TMEM117: variants seen among roughly 807,000 people sequenced by gnomAD.
The protein encoded by TMEM117 is transmembrane protein 117.
TMEM117 carries 27 observed loss-of-function variants against 52.4 expected under a neutral mutation model. The ratio of observed to expected loss-of-function variants is 0.51; its 90% CI spans 0.38 to 0.71. The LOEUF (loss-of-function observed/expected upper bound fraction) is 0.71. TMEM117 is among the 30% of genes least tolerant of loss of function. The pLI is 0.00. For synonymous variants in TMEM117, 215 were observed against 206.3 expected, an observed-to-expected ratio of 1.04 and a Z score of -0.36; for missense variants, 556 against 630.5, an observed-to-expected ratio of 0.88 and a Z score of 1.26.
chr12:44,164,193 T>C (rs1948934367), intron 4 of TMEM117, among the ~76,000 whole-genome samples: 2 of 152,168 alleles, frequency 1.3e-5, no homozygotes, highest in Non-Finnish European at 2.9e-5. Context: ...TTTTCTTCAA[T>C]GAATTTATTA....
rs571191709 is a variant in TMEM117, at chr12:44,240,561, C to T, written c.608+29174C>T. Among the ~76,000 whole-genome samples, 5 of 152,074 alleles carry T rather than the reference C, an allele frequency of 3.3e-5. No homozygotes were observed. In the South Asian group the frequency reaches 1.0e-3, roughly 32 times the overall value. ...TCTTCCCAGAAACTGTGGCTAATTT[C>T]TTTTGTATCACTTAAGAAATCGGTA... On this transcript the variant is annotated intron_variant, in intron 5 of 7. Coordinates refer to ENST00000266534, the MANE Select transcript of TMEM117 (RefSeq NM_032256.3).
Position 43,936,791 on chromosome 12 carries a change from G to A in TMEM117, c.278-7419G>A, listed in dbSNP as rs539304923. On this transcript the variant is annotated intron_variant, in intron 2 of 7. Transcript: ENST00000266534. ...GGATTTGGGAGTGGTGGAGGTCAAT[G>A]CATTTGCCAGAACAACTTCAGTGGA... 2.6e-5 allele frequency among the ~76,000 whole-genome samples: 4 copies of A among 152,236 alleles called. No individual in the cohort carries two copies. The East Asian group carries it at 7.7e-4, about 29-fold the overall frequency.
chr12:44,256,043 A>G (rs1950256429), intron 5 of TMEM117, among the ~76,000 whole-genome samples: 1 of 151,964 alleles, frequency 6.6e-6, no homozygotes, highest in Non-Finnish European at 1.5e-5. Context: ...TAAGTCATTT[A>G]TAACTCATAT....
chr12:44,052,002 T>C (rs1341857617), intron 3 of TMEM117, among the ~76,000 whole-genome samples: 1 of 152,362 alleles, frequency 6.6e-6, no homozygotes, highest in African/African-American at 2.4e-5. Flanking sequence ...ATGTGCAATA[T>C]TGGTAAGCTA....
intron 3 of TMEM117, among the ~76,000 whole-genome samples, chr12:44,092,301 G>A (rs1411887177): frequency 6.6e-6 from 1 of 152,154 alleles, no homozygotes; most frequent in Non-Finnish European, 1.5e-5. Flanking sequence ...ATTTCTGAAA[G>A]CATATTTCCA....
intron 4 of TMEM117, among the ~76,000 whole-genome samples, chr12:44,169,442 A>G (rs2138278283): frequency 6.6e-6 from 1 of 152,250 alleles, no homozygotes; most frequent in Admixed American, 6.5e-5. Context: ...TTCTCTAAAG[A>G]TTAGTGATGG....
chr12:44,080,649 G>A (rs917634579), intron 3 of TMEM117, among the ~76,000 whole-genome samples: 2 of 152,054 alleles, frequency 1.3e-5, no homozygotes, highest in African/African-American at 2.4e-5. Context: ...TTTTGGCATG[G>A]TCTGTGAACT....
At chr12:44,063,457 AG>A (rs1257285040) in intron 3 of TMEM117, among the ~76,000 whole-genome samples, 1 of 151,898 alleles carries the variant, frequency 6.6e-6, no homozygotes, top group South Asian at 2.1e-4. Context: ...TGTCAATCCT[AG>A]GTTTGTTTCT....
chr12:44,138,994 A>G (rs1948531940), intron 3 of TMEM117, among the ~76,000 whole-genome samples: 1 of 152,094 alleles, frequency 6.6e-6, no homozygotes, highest in Admixed American at 6.6e-5. Context: ...GAATCCTTAG[A>G]GCTTTTGCTT....
intron 6 of TMEM117, among the ~76,000 whole-genome samples, chr12:44,300,592 G>T (rs537967160): frequency 2.6e-5 from 4 of 152,270 alleles, no homozygotes; most frequent in Admixed American, 6.5e-5. Flanking sequence ...AGGCCTTTAT[G>T]AGAGATATTC....
intron 3 of TMEM117, among the ~76,000 whole-genome samples, chr12:44,094,966 C>A (rs753102687): frequency 5.7e-4 from 87 of 152,072 alleles, no homozygotes; most frequent in Non-Finnish European, 2.9e-4. Context: ...CATATTTTTA[C>A]ACTGGTAATG....
chr12:44,251,982 A>T (rs1250519943), intron 5 of TMEM117, among the ~76,000 whole-genome samples: 1 of 152,324 alleles, frequency 6.6e-6, no homozygotes. Flanking sequence ...AAAGAAAAAA[A>T]TTGCGTACTT....
chr12:44,137,955 A>G (rs1346060778), intron 3 of TMEM117, among the ~76,000 whole-genome samples: 2 of 152,144 alleles, frequency 1.3e-5, no homozygotes, highest in Non-Finnish European at 2.9e-5. Context: ...TTTTACATGC[A>G]TATTATGAAA....
Position 44,005,906 on chromosome 12 carries a change from G to A in TMEM117, c.410+61564G>A, listed in dbSNP as rs140574587. On this transcript the variant is annotated intron_variant, in intron 3 of 7. Transcript: ENST00000266534. ...TCTCTCTTTTTGCCTGCTGCCATCT[G>A]TGTAAGACATGGCTTTCTCCTCCTT... Among the ~76,000 whole-genome samples, 92 of 152,288 alleles carry A rather than the reference G, an allele frequency of 6.0e-4. 4 individuals carry two copies. In the East Asian group the frequency reaches 0.015, roughly 26 times the overall value.
chr12:44,355,564 T>A (rs1030350178), intron 6 of TMEM117, among the ~76,000 whole-genome samples: 5 of 151,610 alleles, frequency 3.3e-5, no homozygotes, highest in Non-Finnish European at 7.4e-5. Context: ...CAATAGAGAG[T>A]TGACATAGAG....
At chr12:44,394,242 T>C (rs1262189207), downstream of TMEM117, among the ~76,000 whole-genome samples, 8 of 152,164 alleles carry the variant, frequency 5.3e-5, no homozygotes, top group African/African-American at 1.9e-4. Context: ...GAATGGAAAT[T>C]CTTCACAGGG....
At chr12:44,274,969 T>C (rs1183730325) in intron 5 of TMEM117, among the ~76,000 whole-genome samples, 1 of 152,012 alleles carries the variant, frequency 6.6e-6, no homozygotes, top group African/African-American at 2.4e-5. Context: ...CACATGAAGT[T>C]AAAAAGCTTC....
chr12:44,044,106 C>T (rs958712475), intron 3 of TMEM117, among the ~76,000 whole-genome samples: 1 of 152,188 alleles, frequency 6.6e-6, no homozygotes, highest in African/African-American at 2.4e-5. Context: ...ACGTACTCAT[C>T]CCAGCTGGGA....
intron 5 of TMEM117, among the ~76,000 whole-genome samples, chr12:44,293,720 A>G (rs1324526845): frequency 6.6e-6 from 1 of 152,108 alleles, no homozygotes; most frequent in East Asian, 1.9e-4. Flanking sequence ...GTTTTATGCT[A>G]TTGATGTCAC....
Sources: allele counts gnomAD v4.1 joint callset (sites outside exome capture counted in the v4.1 genomes callset), GRCh38; gene constraint gnomAD v4.1.1; transcripts MANE v1.5; gene names NCBI Gene and HGNC (gene_info 2026-07-23, HGNC 2026-07-21).